The following FAM227A variants were observed in gnomAD, a reference collection of about 807,000 sequenced individuals.
FAM227A encodes the protein protein FAM227A.
Under a neutral mutation model 74.7 loss-of-function variants are expected in FAM227A, and 80 were observed. The observed-to-expected ratio is 1.07, with a 90% CI of 0.89 to 1.29. The LOEUF is 1.29. FAM227A is among the 50% of genes most tolerant of loss of function. The pLI, the probability that FAM227A is intolerant of heterozygous loss-of-function variation, is 0.00. For synonymous variants in FAM227A, 237 were observed against 241.8 expected, an observed-to-expected ratio of 0.98 and a Z score of 0.19; for missense variants, 654 against 683.4, an observed-to-expected ratio of 0.96 and a Z score of 0.48.
chr22:38,639,751 A>G, intron 3 of FAM227A, 27 bp from the exon 4 acceptor site: 1 of 1,455,676 alleles, frequency 6.9e-7, no homozygotes, highest in Non-Finnish European at 9.4e-7. Flanking sequence ...AAAGGGGGGC[A>G]TTAGGGATTA....
At chr22:38,588,087 C>A (rs889483803) in intron 16 of FAM227A, among the ~76,000 whole-genome samples, 1 of 152,078 alleles carries the variant, frequency 6.6e-6, no homozygotes, top group East Asian at 1.9e-4. Context: ...TATGATAAAC[C>A]CACAGATAAC....
rs778277326 is a variant in FAM227A, at chr22:38,591,444, C to G, written c.1629G>C (p.Lys543Asn). ...CTCTTTGGAGACTTCCCTTAGTTTT[C>G]TTGTCAGGTGATTCCTCATTGACGG... is the stretch of plus-strand genomic sequence containing the variant. ...PSAVNEESPD[K>N]KTKEGKGGEG... is the part of the protein sequence containing the mutation. The change falls in exon 16 of 17, where the codon AAG (lysine) becomes AAC (asparagine). Residue 543 changes from lysine (K) to asparagine (N), a missense_variant. By Grantham distance (94) the Lys-to-Asn change is moderately conservative. Transcript: ENST00000535113. The G allele has an allele frequency of 6.4e-7, 1 of 1,551,160 alleles. No homozygotes were observed. The highest frequency in any genetic ancestry group is 1.4e-5 in the African/African-American group (1 of 73,122).
chr22:38,651,857 A>G (rs1208077317), intron 1 of FAM227A, among the ~76,000 whole-genome samples: 1 of 152,182 alleles, frequency 6.6e-6, no homozygotes, highest in African/African-American at 2.4e-5. Context: ...CATGGAGCAC[A>G]CATTCTGGCA....
intron 3 of FAM227A, among the ~76,000 whole-genome samples, chr22:38,643,057 G>A (rs749675356): frequency 3.9e-5 from 6 of 152,140 alleles, no homozygotes; most frequent in Non-Finnish European, 8.8e-5. Flanking sequence ...GCTCACGCCT[G>A]TAATCTCAGC....
At chr22:38,615,589 C>A (rs2091558717) in intron 11 of FAM227A, among the ~76,000 whole-genome samples, 1 of 152,194 alleles carries the variant, frequency 6.6e-6, no homozygotes, top group Non-Finnish European at 1.5e-5. Context: ...CTGGCACGTC[C>A]AAGAGGCAGA....
At chr22:38,645,704 G>A (rs2092223568) in intron 2 of FAM227A, 59 bp from the exon 3 acceptor site, 5 of 1,106,826 alleles carry the variant, frequency 4.5e-6, no homozygotes, top group Non-Finnish European at 6.6e-6. Context: ...AACAGGATGG[G>A]GCTTGTCTGG....
intron 3 of FAM227A, among the ~76,000 whole-genome samples, chr22:38,643,573 C>G (rs1421230843): frequency 6.6e-6 from 1 of 152,120 alleles, no homozygotes; most frequent in Non-Finnish European, 1.5e-5. Flanking sequence ...AATGTTAACA[C>G]CACTTTGGAA....
At chr22:38,640,235 G>A (rs981292848) in intron 3 of FAM227A, among the ~76,000 whole-genome samples, 5 of 151,978 alleles carry the variant, frequency 3.3e-5, no homozygotes, top group East Asian at 1.9e-4. Flanking sequence ...GGGTTTCACC[G>A]TGTTAGCCAG....
intron 5 of FAM227A, among the ~76,000 whole-genome samples, chr22:38,636,968 C>G (rs2092020983): frequency 6.6e-6 from 1 of 151,944 alleles, no homozygotes; most frequent in Non-Finnish European, 1.5e-5. Flanking sequence ...GACAGGGTTT[C>G]TACTAAAAAC....
intron 13 of FAM227A, among the ~76,000 whole-genome samples, chr22:38,602,643 A>C (rs2091201124): frequency 2.0e-5 from 3 of 152,248 alleles, no homozygotes. Flanking sequence ...CTGACGACAG[A>C]CAGCAGTCAT....
In FAM227A at chr22:38,645,095, TAAATAA is replaced by T. The variant is rs1219256789; in HGVS notation, c.225+462_225+467del. Among the ~76,000 whole-genome samples, 11 of 126,548 alleles carry T rather than the reference TAAATAA, an allele frequency of 8.7e-5. 1 individual carries two copies. The South Asian group carries it at 2.5e-3, about 29-fold the overall frequency. The allele number at this position is 126,548 out of a possible 152,430, so 83.0% of individuals were successfully genotyped here. On this transcript the variant is annotated intron_variant, in intron 3 of 16. Coordinates refer to ENST00000535113, the MANE Select transcript of FAM227A (RefSeq NM_001013647.2). ...AGCAAGTCTCTGTCTCAAAAATAAA[TAAATAA>T]AGTTTATTGGCCGGGCGCGGTGGCT... is the stretch of plus-strand genomic sequence containing the variant.
In FAM227A at chr22:38,626,635, G is replaced by A. The variant is rs896493453; in HGVS notation, c.727-332C>T. On this transcript the variant is annotated intron_variant, in intron 8 of 16. Coordinates refer to ENST00000535113, the MANE Select transcript of FAM227A (RefSeq NM_001013647.2). The stretch of plus-strand genomic sequence containing the variant: ...TCACAACGCTTTGGGAGGCCGAGGC[G>A]GGTGGATCACCTGAGGTCAGGAGTT... Among the ~76,000 whole-genome samples, 6 of 151,022 alleles carry A rather than the reference G, an allele frequency of 4.0e-5. No homozygotes were observed. The East Asian group carries it at 7.8e-4, about 20-fold the overall frequency.
In FAM227A at chr22:38,646,316, G is replaced by GT. The variant is rs1475803310; in HGVS notation, c.143-672dup. 6.9e-5 allele frequency among the ~76,000 whole-genome samples: 9 copies of GT among 130,442 alleles called. No individual in the cohort carries two copies. In the Admixed American group the frequency reaches 7.0e-4, roughly 10 times the overall value. The allele number at this position is 130,442 out of a possible 152,430, so 85.6% of individuals were successfully genotyped here. A position where few individuals can be genotyped will look rare whatever the true frequency, so the allele number is the denominator to read the frequency against. The stretch of plus-strand genomic sequence containing the variant: ...GCTCTGTCGCCCAGGCTGGAGTGCA[G>GT]TGGCGGGATCTCGGCTCACTGCAAG... On this transcript the variant is annotated intron_variant, in intron 2 of 16. Coordinates refer to ENST00000535113, the MANE Select transcript of FAM227A (RefSeq NM_001013647.2).
chr22:38,638,761 AG>A lies in FAM227A; in HGVS notation c.356del (p.Ser119PhefsTer4). 2 of 1,549,816 alleles carry A rather than the reference AG, an allele frequency of 1.3e-6. No homozygotes were observed. Among genetic ancestry groups the A allele is most frequent in the Non-Finnish European group, 1.7e-6 (2 of 1,145,996 alleles). ...CKGSELRHAR[S>X]SVIKRKTADK... ...GATCCCTTACCCTTTTTATAACAGA[AG>A]ATCTGGCATGTCTGAGTTCGGAGCC... On this transcript the variant is annotated frameshift_variant, in exon 5 of 17. Transcript: ENST00000535113. LOFTEE classifies it high-confidence loss of function.
Position 38,597,233 on chromosome 22 carries a change from A to G in FAM227A, c.1503T>C (p.His501=), listed in dbSNP as rs1421128944. 3 of 1,552,150 alleles carry G rather than the reference A, an allele frequency of 1.9e-6. No individual in the cohort carries two copies. Among genetic ancestry groups the G allele is most frequent in the Admixed American group, 3.9e-5 (2 of 50,984 alleles). Residue 501 remains histidine, a synonymous_variant, in exon 15 of 17, where the codon CAT becomes CAC. Coordinates refer to ENST00000535113, the MANE Select transcript of FAM227A (RefSeq NM_001013647.2). ...HWTEWNYFDK[H]LKELQDNFSR... ...AGAAGTTGTCTTGCAGCTCCTTTAGATGCTTGTCAAAATAATTCCATTCAG... is the reference window on the plus strand; with the variant it reads ...AGAAGTTGTCTTGCAGCTCCTTTAGGTGCTTGTCAAAATAATTCCATTCAG...
chr22:38,655,490 T>C (rs1042177877), intron 1 of FAM227A, among the ~76,000 whole-genome samples: 8 of 151,826 alleles, frequency 5.3e-5, no homozygotes, highest in African/African-American at 1.9e-4. Flanking sequence ...AATCCCAGCC[T>C]GGGCAACAGA....
chr22:38,594,223 T>C (rs988992001), intron 15 of FAM227A, among the ~76,000 whole-genome samples: 81 of 152,160 alleles, frequency 5.3e-4, no homozygotes, highest in African/African-American at 1.8e-3. Flanking sequence ...ACATTGCTGC[T>C]TGCTGCTTCC....
At chr22:38,636,770 CT>C (rs34040804) in intron 5 of FAM227A, among the ~76,000 whole-genome samples, 173 bp from the exon 6 acceptor site, 35,564 of 118,538 alleles carry the variant, frequency 0.3, 3,631 homozygotes, top group East Asian at 0.36. Flanking sequence ...TACATTATTT[CT>C]TTTTTTTTTT....
In FAM227A at chr22:38,580,603, T is replaced by A. The variant is rs1387174587; in HGVS notation, c.*5522A>T. ...AAATGGTGATATTTTAAGTCTATCA[T>A]TATTTCTGAATTTATTAGGTGGATT... On this transcript the variant is annotated 3_prime_UTR_variant, in exon 17 of 17. Coordinates refer to ENST00000535113, the MANE Select transcript of FAM227A (RefSeq NM_001013647.2). The A allele has an allele frequency of 6.6e-6, 1 of 152,226 alleles. No homozygotes were observed. Among genetic ancestry groups the A allele is most frequent in the Non-Finnish European group, 1.5e-5 (1 of 68,046 alleles). 9.4% of individuals were successfully genotyped at this position (152,226 alleles called of 1,614,324 possible). A position where few individuals can be genotyped will look rare whatever the true frequency, so the allele number is the denominator to read the frequency against.
Sources: allele counts gnomAD v4.1 joint callset (sites outside exome capture counted in the v4.1 genomes callset), GRCh38; gene constraint gnomAD v4.1.1; transcripts MANE v1.5; gene names NCBI Gene and HGNC (gene_info 2026-07-23, HGNC 2026-07-21).